Variants in SMCHD1 observed in about 807,000 individuals in gnomAD.
SMCHD1 encodes the protein structural maintenance of chromosomes flexible hinge domain-containing protein 1.
In SMCHD1, 78 loss-of-function variants were observed where a neutral mutation model predicts 254.7. The ratio of observed to expected loss-of-function variants is 0.31; its 90% CI spans 0.26 to 0.37. The LOEUF is 0.37. Among genes scored for constraint, SMCHD1 ranks in the 10% least tolerant of loss-of-function variants. The pLI is 1.00. For missense variants in SMCHD1, 1,840 were observed against 2,408.1 expected (o/e 0.76, Z 4.94); for synonymous variants, 766 against 794.9 (o/e 0.96, Z 0.61).
chr18:2,790,052 C>T (rs771419297), intron 45 of SMCHD1, among the ~76,000 whole-genome samples: 3 of 152,084 alleles, frequency 2.0e-5, no homozygotes, highest in Non-Finnish European at 4.4e-5. Context: ...GCATGGTGGA[C>T]GTGCCTGTAG....
chr18:2,759,537 G>T (rs1598412734), intron 34 of SMCHD1, among the ~76,000 whole-genome samples: 1 of 93,046 alleles, frequency 1.1e-5, no homozygotes, highest in Admixed American at 1.3e-4. Context: ...GGGTTGGCCT[G>T]CCATTTGGAA....
At chr18:2,757,880 T>G (rs572591902) in intron 34 of SMCHD1, among the ~76,000 whole-genome samples, 66 of 152,090 alleles carry the variant, frequency 4.3e-4, no homozygotes, top group Admixed American at 9.8e-4. Flanking sequence ...AGACTTAGAT[T>G]ATTATTATTA....
At chr18:2,733,566 TGCA>T (rs1180962815) in intron 25 of SMCHD1, among the ~76,000 whole-genome samples, 4 of 152,204 alleles carry the variant, frequency 2.6e-5, no homozygotes, top group African/African-American at 7.2e-5. Context: ...GTGTTTGAGG[TGCA>T]ACATTTGTTG....
chr18:2,657,734 C>A (rs540310958), intron 1 of SMCHD1, among the ~76,000 whole-genome samples: 20 of 152,284 alleles, frequency 1.3e-4, no homozygotes, highest in African/African-American at 4.6e-4. Flanking sequence ...CGTAGGTCTT[C>A]AAATCAAAAT....
chr18:2,777,743 G>A (rs924816549), intron 42 of SMCHD1, 63 bp from the exon 43 acceptor site: 1 of 859,192 alleles, frequency 1.2e-6, no homozygotes, highest in Admixed American at 2.8e-5. Flanking sequence ...TTTCCATATT[G>A]TCTTTTTTTA....
chr18:2,676,692 T>A (rs1050225713), intron 5 of SMCHD1, among the ~76,000 whole-genome samples: 1 of 152,194 alleles, frequency 6.6e-6, no homozygotes, highest in Non-Finnish European at 1.5e-5. Flanking sequence ...ATAGACAAGA[T>A]GAAAGAACTA....
intron 37 of SMCHD1, among the ~76,000 whole-genome samples, chr18:2,768,649 G>A (rs1048173008): frequency 1.0e-5 from 1 of 99,664 alleles, no homozygotes; most frequent in Non-Finnish European, 2.4e-5. Flanking sequence ...ATAGTATACA[G>A]TATATAGTAT....
Position 2,674,001 on chromosome 18 carries a change from ATT to A in SMCHD1, c.508-11_508-10del. On this transcript the variant is annotated splice_polypyrimidine_tract_variant and intron_variant, in intron 4 of 47. Transcript: ENST00000320876. ...TGACTTTTCCTGTCTTTTTGAACTTATTTTGTTTCATAGCTTTTTGATGAAAC... is the reference window on the plus strand; with the variant it reads ...TGACTTTTCCTGTCTTTTTGAACTTATTGTTTCATAGCTTTTTGATGAAAC... The A allele has an allele frequency of 6.4e-7, 1 of 1,562,892 alleles. No individual in the cohort carries two copies. The highest frequency in any genetic ancestry group is 8.6e-7 in the Non-Finnish European group (1 of 1,156,178).
intron 15 of SMCHD1, among the ~76,000 whole-genome samples, chr18:2,706,908 A>G (rs992023677): frequency 6.6e-6 from 1 of 152,172 alleles, no homozygotes; most frequent in African/African-American, 2.4e-5. Flanking sequence ...CAGGAAACTT[A>G]TAATCATGGC....
intron 17 of SMCHD1, among the ~76,000 whole-genome samples, chr18:2,710,284 GTT>G (rs1342432799): frequency 6.6e-6 from 1 of 152,108 alleles, no homozygotes; most frequent in Admixed American, 6.5e-5. Context: ...CACTGTTTTT[GTT>G]TACTGTAGCT....
chr18:2,711,972 G>C (rs911344324), intron 17 of SMCHD1, among the ~76,000 whole-genome samples: 7 of 152,220 alleles, frequency 4.6e-5, no homozygotes, highest in African/African-American at 1.4e-4. Context: ...TGCATACACT[G>C]GCTCCCCTTC....
chr18:2,711,532 G>C, intron 17 of SMCHD1, among the ~76,000 whole-genome samples: 1 of 140,626 alleles, frequency 7.1e-6, no homozygotes, highest in Admixed American at 7.3e-5. Flanking sequence ...GCCCAGGCTG[G>C]AGTGCAGTGG....
In SMCHD1 at chr18:2,782,742, CT is replaced by C. The variant is rs1405046236; in HGVS notation, c.5548-1707del. ...CCTGGGCAACAGAGCGAGACCACAACTCAAAAAAAAAAAAAAAAAAAAAAAA... is the reference window on the plus strand; with the variant it reads ...CCTGGGCAACAGAGCGAGACCACAACCAAAAAAAAAAAAAAAAAAAAAAAA... On this transcript the variant is annotated intron_variant, in intron 44 of 47. Transcript: ENST00000320876. Among the ~76,000 whole-genome samples the C allele has an allele frequency of 3.2e-3, 143 of 44,024 alleles. 2 individuals are homozygous for C. The highest frequency in any genetic ancestry group is 0.018 in the Middle Eastern group (1 of 56). 28.9% of individuals were successfully genotyped at this position (44,024 alleles called of 152,430 possible).
At chr18:2,667,119 T>C in intron 3 of SMCHD1, 88 bp downstream of exon 3, 1 of 956,504 alleles carries the variant, frequency 1.0e-6, no homozygotes, top group East Asian at 2.7e-5. Flanking sequence ...TTTTTGTAAA[T>C]CTTCTTATTA....
At chr18:2,660,974 T>C (rs2073233764) in intron 1 of SMCHD1, among the ~76,000 whole-genome samples, 2 of 152,258 alleles carry the variant, frequency 1.3e-5, no homozygotes, top group South Asian at 4.1e-4. Context: ...GTGGCACATA[T>C]ACACCATGGA....
In SMCHD1 at chr18:2,745,090, G is replaced by A. The variant is rs114667398; in HGVS notation, c.3801+1162G>A. ...ACTCCTGACCTCAGGCGATATGTCC[G>A]CCTTGGCCTCCCGAAGTGCTGGGAT... On this transcript the variant is annotated intron_variant, in intron 29 of 47. Transcript: ENST00000320876. Among the ~76,000 whole-genome samples, 1,314 of 152,294 alleles carry A rather than the reference G, an allele frequency of 8.6e-3. 17 individuals carry two copies. The highest frequency in any genetic ancestry group is 0.029 in the African/African-American group (1,208 of 41,558).
In SMCHD1 at chr18:2,688,481, T is replaced by C; in HGVS notation, c.726T>C (p.Ala242=). ...ATTTTGGTGTTGGGGGCAAGCAAGC[T>C]GTCTTCTTTGTTGGACAATCAGCCA... The part of the protein sequence containing the change: ...ISYFGVGGKQ[A]VFFVGQSARM... The change falls in exon 6 of 48, where the codon GCT becomes GCC. Residue 242 remains alanine (A), a synonymous_variant. Transcript: ENST00000320876. 6.2e-7 allele frequency: 1 copy of C among 1,613,694 alleles called. No homozygotes were observed. The highest frequency in any genetic ancestry group is 8.5e-7 in the Non-Finnish European group (1 of 1,179,618).
chr18:2,784,239 G>C (rs1338117359), intron 44 of SMCHD1, among the ~76,000 whole-genome samples: 1 of 152,098 alleles, frequency 6.6e-6, no homozygotes, highest in Non-Finnish European at 1.5e-5. Context: ...CACTGTTCTA[G>C]TTTAGGCTGA....
rs2073033672 is a variant in SMCHD1, at chr18:2,655,795, C to T, written c.-281C>T. On this transcript the variant is annotated 5_prime_UTR_variant, in exon 1 of 48. Coordinates refer to ENST00000320876, the MANE Select transcript of SMCHD1 (RefSeq NM_015295.3). ...CGCGTGGGCGGCGATAGGCGCTGGGCCCGGGCCCGGTGAGGAGCGCGCCGC... is the reference window on the plus strand; with the variant it reads ...CGCGTGGGCGGCGATAGGCGCTGGGTCCGGGCCCGGTGAGGAGCGCGCCGC... 1.0e-5 allele frequency: 3 copies of T among 294,780 alleles called. No individual in the cohort carries two copies. Among genetic ancestry groups the T allele is most frequent in the Non-Finnish European group, 1.9e-5 (3 of 160,168 alleles). The allele number at this position is 294,780 out of a possible 1,614,324, so 18.3% of individuals were successfully genotyped here. A position where few individuals can be genotyped will look rare whatever the true frequency, so the allele number is the denominator to read the frequency against.
Sources: allele counts gnomAD v4.1 joint callset (sites outside exome capture counted in the v4.1 genomes callset), GRCh38; gene constraint gnomAD v4.1.1; transcripts MANE v1.5; gene names NCBI Gene and HGNC (gene_info 2026-07-23, HGNC 2026-07-21).